The following RPS6KC1 variants were observed in gnomAD, a reference collection of about 807,000 sequenced individuals.
The protein encoded by RPS6KC1 is ribosomal protein S6 kinase C1.
In RPS6KC1, 54 loss-of-function variants were observed where a neutral mutation model predicts 103.8. The observed-to-expected ratio is 0.52, with a 90% confidence interval of 0.42 to 0.65. RPS6KC1 has a LOEUF of 0.65. Ranked by LOEUF, RPS6KC1 falls within the 30% of genes least tolerant of loss-of-function variation. RPS6KC1 has a pLI of 0.00. For missense variants in RPS6KC1, 1,151 were observed against 1,253.8 expected, an observed-to-expected ratio of 0.92 and a Z score of 1.24; for synonymous variants, 439 against 438.7, an observed-to-expected ratio of 1.00 and a Z score of -0.01.
the RPS6KC1 span, among the ~76,000 whole-genome samples, chr1:213,348,214 G>A: frequency 6.6e-6 from 1 of 152,174 alleles, no homozygotes; most frequent in Non-Finnish European, 1.5e-5. Context: ...CCCCAGAGAC[G>A]ATATTTTCTA....
At chr1:213,740,725 A>G in the RPS6KC1 span, among the ~76,000 whole-genome samples, 1 of 146,150 alleles carries the variant, frequency 6.8e-6, no homozygotes, top group Non-Finnish European at 1.5e-5. Context: ...ATGTACACAT[A>G]TATACATCTC....
chr1:213,849,083 G>A, the RPS6KC1 span, among the ~76,000 whole-genome samples: 1 of 152,210 alleles, frequency 6.6e-6, no homozygotes, highest in Non-Finnish European at 1.5e-5. Flanking sequence ...GAGGGAATGA[G>A]GAGTGAGGAA....
chr1:213,101,729 T>C (rs1431808270), intron 3 of RPS6KC1, among the ~76,000 whole-genome samples: 1 of 152,210 alleles, frequency 6.6e-6, no homozygotes, highest in Non-Finnish European at 1.5e-5. Flanking sequence ...CTAGGTTATT[T>C]TTCTAAGCTT....
At chr1:213,709,799 G>A in the RPS6KC1 span, among the ~76,000 whole-genome samples, 1 of 152,168 alleles carries the variant, frequency 6.6e-6, no homozygotes, top group Non-Finnish European at 1.5e-5. Context: ...TCAGGAGCCG[G>A]TTGTTCAGTT....
chr1:213,100,273 ATCTGTT>A (rs140203480), intron 3 of RPS6KC1, among the ~76,000 whole-genome samples: 17,265 of 151,596 alleles, frequency 0.11, 3,150 homozygotes, highest in African/African-American at 0.39. Flanking sequence ...TTTTTGAAGT[ATCTGTT>A]TACATCTTTT....
intron 6 of RPS6KC1, among the ~76,000 whole-genome samples, chr1:213,156,736 T>A (rs1226512079): frequency 6.6e-6 from 1 of 152,220 alleles, no homozygotes; most frequent in African/African-American, 2.4e-5. Flanking sequence ...GAGATTTCTA[T>A]ACCCAATGAA....
chr1:213,835,286 C>T, the RPS6KC1 span, among the ~76,000 whole-genome samples: 1 of 152,120 alleles, frequency 6.6e-6, no homozygotes, highest in Admixed American at 6.5e-5. Flanking sequence ...GAAATGGGAT[C>T]ACAGAGGTAA....
the RPS6KC1 span, among the ~76,000 whole-genome samples, chr1:213,363,701 TC>T: frequency 5.7e-3 from 491 of 85,934 alleles, 48 homozygotes; most frequent in African/African-American, 0.017. Context: ...TTTCTTTCTT[TC>T]CTTCTTTCTT....
At chr1:213,658,711 T>G in the RPS6KC1 span, among the ~76,000 whole-genome samples, 1 of 152,220 alleles carries the variant, frequency 6.6e-6, no homozygotes, top group African/African-American at 2.4e-5. Context: ...AGAGGGACTG[T>G]GAACAAGTCC....
the RPS6KC1 span, among the ~76,000 whole-genome samples, chr1:213,647,855 A>C: frequency 6.6e-6 from 1 of 152,190 alleles, no homozygotes. Flanking sequence ...AACAGAAGGA[A>C]AAAGTAATCA....
chr1:213,751,158 A>G, the RPS6KC1 span, among the ~76,000 whole-genome samples: 4 of 152,160 alleles, frequency 2.6e-5, no homozygotes, highest in African/African-American at 7.2e-5. Context: ...ATCAGAGTGT[A>G]TCTGGCCCAA....
At chr1:213,327,648 G>T in the RPS6KC1 span, among the ~76,000 whole-genome samples, 2 of 152,120 alleles carry the variant, frequency 1.3e-5, no homozygotes, top group Non-Finnish European at 2.9e-5. Flanking sequence ...GGAGGAGAAG[G>T]TTCAGTATGA....
At chr1:213,739,769 A>T in the RPS6KC1 span, among the ~76,000 whole-genome samples, 1 of 152,222 alleles carries the variant, frequency 6.6e-6, no homozygotes, top group South Asian at 2.1e-4. Flanking sequence ...AGATTTCTGT[A>T]CCCAGGCAAA....
the RPS6KC1 span, among the ~76,000 whole-genome samples, chr1:213,849,323 A>G: frequency 1.3e-5 from 2 of 152,134 alleles, no homozygotes; most frequent in East Asian, 1.9e-4. Context: ...GCAGACGCCC[A>G]TAGGGGTGGA....
intron 6 of RPS6KC1, among the ~76,000 whole-genome samples, chr1:213,138,838 G>A (rs1034307664): frequency 6.6e-6 from 1 of 152,130 alleles, no homozygotes; most frequent in African/African-American, 2.4e-5. Context: ...TGTCTTTATG[G>A]TAGAATAATT....
At chr1:213,779,980 G>C in the RPS6KC1 span, among the ~76,000 whole-genome samples, 1 of 152,184 alleles carries the variant, frequency 6.6e-6, no homozygotes. Flanking sequence ...TGGGTGCAAA[G>C]GAATGGGGGT....
At chr1:213,521,785 A>T in the RPS6KC1 span, among the ~76,000 whole-genome samples, 2 of 152,186 alleles carry the variant, frequency 1.3e-5, no homozygotes, top group African/African-American at 2.4e-5. Context: ...AAACTTTATC[A>T]TAAAATTTTA....
the RPS6KC1 span, among the ~76,000 whole-genome samples, chr1:213,336,036 T>A: frequency 6.6e-6 from 1 of 152,326 alleles, no homozygotes; most frequent in East Asian, 1.9e-4. Flanking sequence ...GAATTCAAAG[T>A]TATAGCATTT....
chr1:213,465,984 G>A, the RPS6KC1 span, among the ~76,000 whole-genome samples: 1 of 152,070 alleles, frequency 6.6e-6, no homozygotes, highest in East Asian at 1.9e-4. Flanking sequence ...TGCTTCTCAT[G>A]GTGATCAGGG....
Sources: allele counts gnomAD v4.1 joint callset (sites outside exome capture counted in the v4.1 genomes callset), GRCh38; gene constraint gnomAD v4.1.1; transcripts MANE v1.5; gene names NCBI Gene and HGNC (gene_info 2026-07-23, HGNC 2026-07-21).